Variants in DYNC1I1 observed in about 807,000 individuals in gnomAD.
DYNC1I1 encodes cytoplasmic dynein 1 intermediate chain 1.
In DYNC1I1, 43 loss-of-function variants were observed where a neutral mutation model predicts 86.6. That is an observed-to-expected ratio of 0.50 (90% CI 0.39 to 0.64). The LOEUF (loss-of-function observed/expected upper bound fraction) is 0.64, where lower values mean the gene tolerates loss of function less well. Ranked by LOEUF, DYNC1I1 falls within the 30% of genes least tolerant of loss-of-function variation. The pLI is 0.00. For synonymous variants in DYNC1I1, 262 were observed against 283.7 expected (o/e 0.92, Z 0.77); for missense variants, 604 against 788.8 (o/e 0.77, Z 2.81).
chr7:96,105,327 T>C (rs1227096204), intron 16 of DYNC1I1, among the ~76,000 whole-genome samples: 1 of 151,518 alleles, frequency 6.6e-6, no homozygotes, highest in Non-Finnish European at 1.5e-5. Flanking sequence ...TCTTTTTTCT[T>C]TTTTTTTGCC....
intron 6 of DYNC1I1, among the ~76,000 whole-genome samples, chr7:95,955,898 T>C (rs1792698594): frequency 6.6e-6 from 1 of 152,198 alleles, no homozygotes; most frequent in African/African-American, 2.4e-5. Context: ...ACATTCTTTA[T>C]CTTAGGGATC....
intron 16 of DYNC1I1, among the ~76,000 whole-genome samples, chr7:96,104,607 T>C (rs1287608233): frequency 1.3e-5 from 2 of 152,156 alleles, no homozygotes; most frequent in African/African-American, 4.8e-5. Flanking sequence ...GTTTTGGCAA[T>C]ATTTTCTGAA....
intron 4 of DYNC1I1, among the ~76,000 whole-genome samples, chr7:95,815,430 A>G (rs1794925534): frequency 6.6e-6 from 1 of 152,212 alleles, no homozygotes; most frequent in African/African-American, 2.4e-5. Context: ...TAGTTTTCAG[A>G]AAAACTGAGC....
intron 6 of DYNC1I1, among the ~76,000 whole-genome samples, chr7:95,924,607 C>A (rs73710551): frequency 6.6e-6 from 1 of 152,116 alleles, no homozygotes; most frequent in South Asian, 2.1e-4. Flanking sequence ...GATGAGAATG[C>A]GAAATGTGGA....
At chr7:95,896,729 G>A (rs960065260) in intron 6 of DYNC1I1, among the ~76,000 whole-genome samples, 1 of 152,144 alleles carries the variant, frequency 6.6e-6, no homozygotes, top group African/African-American at 2.4e-5. Context: ...TGTGTGTTGT[G>A]GGAATTACAA....
chr7:95,881,691 G>A (rs1009075448), intron 6 of DYNC1I1, among the ~76,000 whole-genome samples: 3 of 152,196 alleles, frequency 2.0e-5, no homozygotes, highest in Non-Finnish European at 2.9e-5. Flanking sequence ...TCTGGTAATG[G>A]GAAATAAGAT....
intron 10 of DYNC1I1, among the ~76,000 whole-genome samples, chr7:96,019,176 A>G (rs984837534): frequency 1.5e-4 from 23 of 152,196 alleles, no homozygotes; most frequent in African/African-American, 5.1e-4. Context: ...CTTTGTAGTG[A>G]GAACACATAA....
intron 6 of DYNC1I1, among the ~76,000 whole-genome samples, chr7:95,900,488 G>T (rs1006453986): frequency 6.6e-6 from 1 of 152,126 alleles, no homozygotes; most frequent in African/African-American, 2.4e-5. Flanking sequence ...TGCTGGAGAA[G>T]CTGCACTTGA....
chr7:96,037,779 TACA>T (rs1019278451), intron 13 of DYNC1I1, among the ~76,000 whole-genome samples: 2 of 152,190 alleles, frequency 1.3e-5, no homozygotes, highest in Non-Finnish European at 2.9e-5. Context: ...CAAATCTTTT[TACA>T]ACAAGCTGAA....
intron 4 of DYNC1I1, among the ~76,000 whole-genome samples, chr7:95,823,336 G>C (rs187504440): frequency 1.3e-5 from 2 of 152,276 alleles, no homozygotes; most frequent in Admixed American, 1.3e-4. Context: ...TCCAATGCCT[G>C]GCTGGCTGGC....
chr7:95,830,220 TTAAA>T, intron 5 of DYNC1I1, among the ~76,000 whole-genome samples: 1 of 152,224 alleles, frequency 6.6e-6, no homozygotes, highest in Non-Finnish European at 1.5e-5. Flanking sequence ...ATAACTGGCT[TTAAA>T]TAAACTACAC....
chr7:95,801,899 G>C lies in DYNC1I1; in HGVS notation c.-9-2822G>C, dbSNP rs1429652302. Among the ~76,000 whole-genome samples, 4 of 152,290 alleles carry C rather than the reference G, an allele frequency of 2.6e-5. No homozygotes were observed. In the East Asian group the frequency reaches 7.7e-4, roughly 29 times the overall value. On this transcript the variant is annotated intron_variant, in intron 1 of 16. Coordinates refer to ENST00000447467, the MANE Select transcript of DYNC1I1 (RefSeq NM_001135556.2). ...TCAGAAGATCTAACTTCATAGGTCTGTGTCCTTCCGTGTGGACCCTCAGTC... is the reference window on the plus strand; with the variant it reads ...TCAGAAGATCTAACTTCATAGGTCTCTGTCCTTCCGTGTGGACCCTCAGTC...
chr7:95,793,072 T>C (rs911528554), intron 1 of DYNC1I1, among the ~76,000 whole-genome samples: 1 of 151,924 alleles, frequency 6.6e-6, no homozygotes, highest in Non-Finnish European at 1.5e-5. Context: ...ACCATCAGAT[T>C]TGGTGATAGA....
chr7:96,091,328 T>G (rs1790838343), intron 16 of DYNC1I1, among the ~76,000 whole-genome samples: 1 of 152,210 alleles, frequency 6.6e-6, no homozygotes, highest in Non-Finnish European at 1.5e-5. Context: ...AATACAGAGA[T>G]GAATTGTCGT....
chr7:96,107,869 GTTTTTTTTTTT>G (rs1178550637), intron 16 of DYNC1I1, among the ~76,000 whole-genome samples: 1 of 119,062 alleles, frequency 8.4e-6, no homozygotes, highest in African/African-American at 3.2e-5. Flanking sequence ...TCATTGACAG[GTTTTTTTTTTT>G]TTTTTTTTTT....
At position 95,804,190 on chromosome 7, in the gene DYNC1I1, C is replaced by T. The variant is rs112429640; in HGVS notation, c.-9-531C>T. The T allele has an allele frequency of 5.7e-4, 123 of 217,432 alleles. 1 individual carries two copies. The highest frequency in any genetic ancestry group is 1.7e-3 in the Admixed American group (29 of 17,326). The allele number at this position is 217,432 out of a possible 1,614,324, so 13.5% of individuals were successfully genotyped here. A position where few individuals can be genotyped will look rare whatever the true frequency, so the allele number is the denominator to read the frequency against. Reference sequence around the variant, plus strand: ...ATGTTCGGTCTTCAGCGGCTGTCTTCCCTGATGCAAATAATGTTAGGCAAA... The same window carrying T: ...ATGTTCGGTCTTCAGCGGCTGTCTTTCCTGATGCAAATAATGTTAGGCAAA... On this transcript the variant is annotated intron_variant, in intron 1 of 16. Coordinates refer to ENST00000447467, the MANE Select transcript of DYNC1I1 (RefSeq NM_001135556.2).
intron 4 of DYNC1I1, among the ~76,000 whole-genome samples, chr7:95,815,716 C>T (rs1794931391): frequency 6.6e-6 from 1 of 152,022 alleles, no homozygotes; most frequent in African/African-American, 2.4e-5. Flanking sequence ...AAGAATATAA[C>T]TCTATGCTCA....
downstream of DYNC1I1, among the ~76,000 whole-genome samples, chr7:96,103,416 T>A (rs1252067891): frequency 6.6e-6 from 1 of 152,176 alleles, no homozygotes; most frequent in Non-Finnish European, 1.5e-5. Context: ...GCCATCATCA[T>A]CTCTGTCATG....
rs375437897 is a variant in DYNC1I1 at position 96,059,431 on chromosome 7, A to G, written c.1510-16626A>G. Reference sequence around the variant, plus strand: ...GTCTTATTCTGTCTGAGCTGGGAACAGGTACATCAGGGGACTCAAATTTTT... The same window carrying G: ...GTCTTATTCTGTCTGAGCTGGGAACGGGTACATCAGGGGACTCAAATTTTT... On this transcript the variant is annotated intron_variant, in intron 14 of 16. Coordinates refer to ENST00000447467, the MANE Select transcript of DYNC1I1 (RefSeq NM_001135556.2). 9.8e-5 allele frequency among the ~76,000 whole-genome samples: 15 copies of G among 152,326 alleles called. No individual in the cohort carries two copies. In the East Asian group the frequency reaches 2.7e-3, roughly 27 times the overall value.
Sources: gnomAD v4.1 joint callset for allele counts (sites outside exome capture counted in the v4.1 genomes callset) on GRCh38, gnomAD v4.1.1 for gene constraint, MANE v1.5 for transcripts, NCBI Gene and HGNC (gene_info 2026-07-23, HGNC 2026-07-21) for gene names.